The following MSI1 variants were observed in gnomAD, a reference collection of about 807,000 sequenced individuals.
MSI1 encodes musashi RNA binding protein 1.
In MSI1, 15 loss-of-function variants were observed where a neutral mutation model predicts 54.4. That is an observed-to-expected ratio of 0.28 (90% CI 0.18 to 0.42). MSI1 has a LOEUF of 0.42. MSI1 is among the 20% of genes least tolerant of loss of function. The pLI is 1.00. For synonymous variants in MSI1, 200 were observed against 196.5 expected (o/e 1.02, Z -0.15); for missense variants, 304 against 506.0 (o/e 0.60, Z 3.83).
chr12:120,367,913 G>T, intron 4 of MSI1, 95 bp downstream of exon 4: 1 of 1,273,926 alleles, frequency 7.8e-7, no homozygotes, highest in South Asian at 1.4e-5. Flanking sequence ...CTTCCTCATG[G>T]ACCCCGTCCA....
chr12:120,365,233 G>A (rs1176342957), intron 4 of MSI1, among the ~76,000 whole-genome samples: 2 of 152,144 alleles, frequency 1.3e-5, no homozygotes, highest in South Asian at 2.1e-4. Flanking sequence ...AGACCCTAAC[G>A]TCCCACTGCT....
intron 8 of MSI1, 83 bp from the exon 9 acceptor site, chr12:120,357,102 T>A: frequency 8.1e-7 from 1 of 1,229,346 alleles, no homozygotes; most frequent in Non-Finnish European, 1.2e-6. Context: ...CCTTTATTAA[T>A]TTTATTAATT....
intron 10 of MSI1, among the ~76,000 whole-genome samples, chr12:120,352,017 TAAAAA>T (rs34535893): frequency 8.0e-6 from 1 of 125,488 alleles, no homozygotes; most frequent in African/African-American, 3.0e-5. Flanking sequence ...CCTTTTTATT[TAAAAA>T]AAAAAAAAAA....
chr12:120,359,710 T>G (rs1245991845), intron 6 of MSI1, among the ~76,000 whole-genome samples: 1 of 152,078 alleles, frequency 6.6e-6, no homozygotes, highest in African/African-American at 2.4e-5. Context: ...TAGGTACCCC[T>G]TGGATATACG....
Position 120,347,461 on chromosome 12 carries a change from C to A in MSI1, c.844G>T (p.Val282Leu). Residue 282 changes from valine to leucine, a missense_variant, in exon 12 of 15, where the codon GTG becomes TTG. This residue lies in a region of MSI1 where 147 missense variants were observed against 231.5 expected (regional missense o/e 0.64). Coordinates refer to ENST00000257552, the MANE Select transcript of MSI1 (RefSeq NM_002442.4). ...AAGAGCTCACCTGTCCCTCGAACCA[C>A]AGCCGCTGCCGCCGCTGCCGCCGCC... is the stretch of plus-strand genomic sequence containing the variant. ...PMAAAAAAAA[V>L]VRGTGSHPWT... The A allele has an allele frequency of 6.2e-7, 1 of 1,614,130 alleles. No homozygotes were observed. The highest frequency in any genetic ancestry group is 8.5e-7 in the Non-Finnish European group (1 of 1,180,042).
chr12:120,358,650 T>G lies in MSI1; in HGVS notation c.451+355A>C, dbSNP rs551373454. ...GGCTGGGGGCTGGGCAGGAGGTGAC[T>G]GCCTGGGGCTGTGGAGTCAGCCTGA... On this transcript the variant is annotated intron_variant, in intron 7 of 14. Transcript: ENST00000257552. Among the ~76,000 whole-genome samples, 335 of 152,024 alleles carry G rather than the reference T, an allele frequency of 2.2e-3. 1 individual carries two copies. The highest frequency in any genetic ancestry group is 8.0e-3 in the African/African-American group (330 of 41,432).
intron 13 of MSI1, among the ~76,000 whole-genome samples, chr12:120,345,934 T>C (rs1202134332): frequency 6.6e-6 from 1 of 152,192 alleles, no homozygotes; most frequent in Non-Finnish European, 1.5e-5. Context: ...GAGCCCACTA[T>C]GCCTGGCATT....
At chr12:120,366,682 C>T (rs576286371) in intron 4 of MSI1, among the ~76,000 whole-genome samples, 14 of 152,284 alleles carry the variant, frequency 9.2e-5, no homozygotes, top group Middle Eastern at 3.4e-3. Context: ...ATAGACTCCC[C>T]ACAGTAAACC....
chr12:120,360,635 C>G (rs1482433283), intron 6 of MSI1, among the ~76,000 whole-genome samples: 8 of 152,138 alleles, frequency 5.3e-5, no homozygotes, highest in African/African-American at 1.9e-4. Flanking sequence ...AAACAGAAAC[C>G]CAGAAAGAAG....
rs748263600 is a variant in MSI1, at chr12:120,353,335, T to C, written c.697A>G (p.Thr233Ala). The C allele has an allele frequency of 1.1e-5, 17 of 1,613,958 alleles. No homozygotes were observed. Among genetic ancestry groups the C allele is most frequent in the Non-Finnish European group, 1.4e-5 (17 of 1,180,004 alleles). Residue 233 changes from threonine to alanine, a missense_variant, in exon 10 of 15, where the codon ACA becomes GCA. Thr to Ala is a moderately conservative substitution (Grantham distance 58). Around this residue, in one of 4 missense-constraint regions of MSI1, gnomAD observed 147 missense variants for 231.5 expected, o/e 0.64. Coordinates refer to ENST00000257552, the MANE Select transcript of MSI1 (RefSeq NM_002442.4). ...TAGGTGTAGCCAGGGGCGAGGCCTGTATAACTCCGGCTGGCGTAGGTTGTG... is the reference window on the plus strand; with the variant it reads ...TAGGTGTAGCCAGGGGCGAGGCCTGCATAACTCCGGCTGGCGTAGGTTGTG... The part of the protein sequence containing the change: ...QATTYASRSY[T>A]GLAPGYTYQF...
At chr12:120,357,447 C>T (rs550176131) in intron 8 of MSI1, among the ~76,000 whole-genome samples, 4 of 152,192 alleles carry the variant, frequency 2.6e-5, no homozygotes, top group Non-Finnish European at 5.9e-5. Flanking sequence ...CCACAAGGAG[C>T]CCCAGTCTTC....
Position 120,342,986 on chromosome 12 carries a change from G to C in MSI1, c.*141C>G, listed in dbSNP as rs1343842396. 1 of 150,082 alleles carries C rather than the reference G, an allele frequency of 6.7e-6. No individual in the cohort carries two copies. Among genetic ancestry groups the C allele is most frequent in the Non-Finnish European group, 1.5e-5 (1 of 67,760 alleles). The allele number at this position is 150,082 out of a possible 1,614,324, so 9.3% of individuals were successfully genotyped here. ...GCAGGGCAGGGGCCGGGCCCGGGGA[G>C]TTGGGGGCAGGCAGTAGCGGGTCCG... On this transcript the variant is annotated 3_prime_UTR_variant, in exon 15 of 15. Transcript: ENST00000257552.
At chr12:120,353,619 C>A (rs891477178) in intron 9 of MSI1, among the ~76,000 whole-genome samples, 1 of 152,240 alleles carries the variant, frequency 6.6e-6, no homozygotes, top group Non-Finnish European at 1.5e-5. Context: ...GAAACTGAGG[C>A]TCTGAAAGGT....
At chr12:120,348,586 G>T (rs80017549) in intron 11 of MSI1, among the ~76,000 whole-genome samples, 1 of 150,248 alleles carries the variant, frequency 6.7e-6, no homozygotes, top group East Asian at 1.9e-4. Context: ...TTTTTGTAAA[G>T]ATAGGGTCTT....
chr12:120,346,097 G>A (rs1443544306), intron 13 of MSI1, 38 bp downstream of exon 13: 2 of 1,478,508 alleles, frequency 1.4e-6, no homozygotes, highest in African/African-American at 1.4e-5. Flanking sequence ...CTCAAGGTGT[G>A]GGGGGTGAGG....
chr12:120,364,728 G>C lies in MSI1; in HGVS notation c.295C>G (p.Arg99Gly). ...GACACACCTACCTTGGGCTGTGCTCGCCGAGGGAAGGCCACCTTAGGGTCA... is the reference window on the plus strand; with the variant it reads ...GACACACCTACCTTGGGCTGTGCTCCCCGAGGGAAGGCCACCTTAGGGTCA... ...TIDPKVAFPRRAQPKMVTRTK... is the reference protein window; with the variant it reads ...TIDPKVAFPRGAQPKMVTRTK... Residue 99 changes from arginine (R) to glycine (G), a missense_variant, in exon 5 of 15, where the codon CGA becomes GGA. This residue lies in a region of MSI1 where 105 missense variants were observed against 230.1 expected (regional missense o/e 0.46). Transcript: ENST00000257552. The C allele has an allele frequency of 6.3e-7, 1 of 1,599,788 alleles. No homozygotes were observed. Among genetic ancestry groups the C allele is most frequent in the Non-Finnish European group, 8.5e-7 (1 of 1,173,324 alleles).
intron 6 of MSI1, among the ~76,000 whole-genome samples, chr12:120,359,758 C>G (rs567530240): frequency 6.6e-6 from 1 of 152,258 alleles, no homozygotes; most frequent in East Asian, 1.9e-4. Flanking sequence ...CATTTGCCTG[C>G]ATCTGGTGCC....
Position 120,357,883 on chromosome 12 carries a change from G to A in MSI1, c.467C>T (p.Thr156Met), listed in dbSNP as rs767407412. Residue 156 changes from threonine to methionine, a missense_variant, in exon 8 of 15, where the codon ACG becomes ATG. By Grantham distance (81) the Thr-to-Met change is moderately conservative. Around this residue, in one of 4 missense-constraint regions of MSI1, gnomAD observed 105 missense variants for 230.1 expected, o/e 0.46. Transcript: ENST00000257552. ...TNRHRGFGFV[T>M]FESEDIVEKV... ...CTCCACGATGTCCTCACTCTCAAAC[G>A]TGACAAACCCGAACCCTAGAGGTTG... is the stretch of plus-strand genomic sequence containing the variant. The A allele has an allele frequency of 2.0e-5, 32 of 1,613,976 alleles. No homozygotes were observed. Among genetic ancestry groups the A allele is most frequent in the African/African-American group, 6.7e-5 (5 of 74,888 alleles).
chr12:120,340,322 G>T (rs559085688), downstream of MSI1, among the ~76,000 whole-genome samples: 2 of 152,300 alleles, frequency 1.3e-5, no homozygotes, highest in East Asian at 3.9e-4. Flanking sequence ...GAGCTCAGGC[G>T]ATCCGCCCGC....
Sources: gnomAD v4.1 joint callset for allele counts (sites outside exome capture counted in the v4.1 genomes callset) on GRCh38, gnomAD v4.1.1 for gene constraint, gnomAD v4.1.1 regional missense constraint, MANE v1.5 for transcripts, NCBI Gene and HGNC (gene_info 2026-07-23, HGNC 2026-07-21) for gene names.